MYO1C: variants seen among roughly 807,000 people sequenced by gnomAD.
MYO1C encodes the protein myosin IC, also known as unconventional myosin-Ic.
A neutral mutation model predicts 150.8 loss-of-function variants in MYO1C; 104 were observed. The observed-to-expected ratio is 0.69, with a 90% CI of 0.59 to 0.81. MYO1C has a LOEUF of 0.81. Ranked by LOEUF, MYO1C falls within the 30% of genes least tolerant of loss-of-function variation. The pLI is 0.00. For missense variants in MYO1C, 1,504 were observed against 1,435.0 expected, an observed-to-expected ratio of 1.05 and a Z score of -0.78; for synonymous variants, 663 against 579.9, an observed-to-expected ratio of 1.14 and a Z score of -2.06.
chr17:1,471,976 A>G lies in MYO1C; in HGVS notation c.1952T>C (p.Leu651Pro), dbSNP rs2074312503. 1.2e-6 allele frequency: 2 copies of G among 1,613,966 alleles called. No homozygotes were observed. Among genetic ancestry groups the G allele is most frequent in the African/African-American group, 1.3e-5 (1 of 74,936 alleles). ...LIRHQVKYLG[L>P]LENLRVRRAG... is the part of the protein sequence containing the mutation. ...TCTGCGCACGCGCAGGTTTTCCAAC[A>G]GCCCCAGGTACTTCACCTGGTGGCG... is the stretch of plus-strand genomic sequence containing the variant. Residue 651 changes from leucine to proline, a missense_variant, in exon 19 of 32, where the codon CTG becomes CCG. Leu to Pro is a moderately conservative substitution (Grantham distance 98, BLOSUM62 -3). Transcript: ENST00000648651.
chr17:1,467,038 ATG>A (rs2074187152), intron 31 of MYO1C, among the ~76,000 whole-genome samples: 4 of 152,152 alleles, frequency 2.6e-5, no homozygotes, highest in African/African-American at 4.8e-5. Flanking sequence ...GATTATAGGC[ATG>A]AGCCACCGTG....
chr17:1,468,424 G>A lies in MYO1C; in HGVS notation c.2683C>T (p.Leu895Phe). Residue 895 changes from leucine to phenylalanine, a missense_variant, in exon 26 of 32, where the codon CTC becomes TTC. Leu to Phe is a conservative substitution (Grantham distance 22). Coordinates refer to ENST00000648651, the MANE Select transcript of MYO1C (RefSeq NM_001080779.2). ...TCACCAAGCCGAGTGCTGATGAAGA[G>A]CCTGGGTACACTCTGAGGGTAATTA... is the stretch of plus-strand genomic sequence containing the variant. Reference protein sequence around the residue: ...KDNYPQSVPRLFISTRLGTDE... With the variant: ...KDNYPQSVPRFFISTRLGTDE... 1 of 1,614,088 alleles carries A rather than the reference G, an allele frequency of 6.2e-7. No homozygotes were observed. Among genetic ancestry groups the A allele is most frequent in the Non-Finnish European group, 8.5e-7 (1 of 1,179,966 alleles).
At chr17:1,483,096 G>A (rs2074570392) in intron 3 of MYO1C, 37 bp from the exon 4 acceptor site, 7 of 1,552,004 alleles carry the variant, frequency 4.5e-6, no homozygotes, top group Admixed American at 1.9e-5. Context: ...TGGGGAGGGG[G>A]GCCAAGCAGA....
intron 17 of MYO1C, among the ~76,000 whole-genome samples, chr17:1,474,106 C>T (rs2074354273): frequency 6.6e-6 from 1 of 151,848 alleles, no homozygotes; most frequent in Non-Finnish European, 1.5e-5. Flanking sequence ...CACACGACTC[C>T]ACTATAGACA....
At chr17:1,475,092 G>A in intron 14 of MYO1C, 60 bp from the exon 15 acceptor site, 2 of 1,508,470 alleles carry the variant, frequency 1.3e-6, no homozygotes, top group Admixed American at 3.9e-5. Flanking sequence ...CCCTCTGCCT[G>A]CTGAAAGGGC....
Position 1,471,147 on chromosome 17 carries a change from C to G in MYO1C, c.2136G>C (p.Arg712Ser). ...GYKPEEYKMG[R>S]TKIFIRFPKT... ...TGGGGAAGCGGATGAAGATCTTGGT[C>G]CTGGGAGAGCAGTAGTGATCAGCCC... The change falls in exon 21 of 32, where the codon AGG becomes AGC. Residue 712 changes from arginine to serine, a missense_variant and splice_region_variant. Arg to Ser is a moderately radical substitution (Grantham distance 110). Transcript: ENST00000648651. The G allele has an allele frequency of 1.9e-6, 3 of 1,614,150 alleles. No individual in the cohort carries two copies. The highest frequency in any genetic ancestry group is 2.5e-6 in the Non-Finnish European group (3 of 1,180,012).
chr17:1,479,363 G>A lies in MYO1C; in HGVS notation c.1092+68C>T. 1.2e-6 allele frequency: 1 copy of A among 806,384 alleles called. No homozygotes were observed. The highest frequency in any genetic ancestry group is 2.1e-6 in the Non-Finnish European group (1 of 479,228). The allele number at this position is 806,384 out of a possible 1,614,324, so 50.0% of individuals were successfully genotyped here. ...TGCTGAGGGAACCAGGCGAAGGGGA[G>A]TGATGGGAGTAGGGGCTGCCTTGGA... On this transcript the variant is annotated intron_variant, in intron 9 of 31. Transcript: ENST00000648651. The surrounding 1 kb of genome is among the most constrained non-coding windows in gnomAD (Gnocchi z 4.2).
chr17:1,476,503 C>G lies in MYO1C; in HGVS notation c.1574+1002G>C, dbSNP rs1226791044. Among the ~76,000 whole-genome samples, 4 of 152,090 alleles carry G rather than the reference C, an allele frequency of 2.6e-5. No individual in the cohort carries two copies. The East Asian group carries it at 7.7e-4, about 29-fold the overall frequency. ...AACAAATTTTCAATATATTATTATG[C>G]AAAAAATACTCATGGCTTTGGCATT... On this transcript the variant is annotated intron_variant, in intron 14 of 31. Transcript: ENST00000648651.
At position 1,468,458 on chromosome 17, in the gene MYO1C, G is replaced by T. The variant is rs8065685; in HGVS notation, c.2649C>A (p.Gly883=). The T allele has an allele frequency of 9.5e-3, 15,344 of 1,613,822 alleles. 1,139 individuals carry two copies. In the African/African-American group the frequency reaches 0.17, roughly 18 times the overall value. The part of the protein sequence containing the change: ...QKAVASEIFK[G]KKDNYPQSVP... The stretch of plus-strand genomic sequence containing the variant: ...CACTCTGAGGGTAATTATCCTTCTT[G>T]CCCTTGAAGATCTCACTAGCCACGG... Residue 883 remains glycine (G), a synonymous_variant, in exon 26 of 32, where the codon GGC becomes GGA. Transcript: ENST00000648651.
At position 1,484,128 on chromosome 17, in the gene MYO1C, T is replaced by G; in HGVS notation, c.231+20A>C. ...GTCTGTGACCCCAGCACCCCTGCCA[T>G]CTCCCCACAAGGGCCTCACGTAGAT... On this transcript the variant is annotated intron_variant, in intron 2 of 31. Coordinates refer to ENST00000648651, the MANE Select transcript of MYO1C (RefSeq NM_001080779.2). The G allele has an allele frequency of 6.2e-7, 1 of 1,611,468 alleles. No homozygotes were observed. Among genetic ancestry groups the G allele is most frequent in the African/African-American group, 1.3e-5 (1 of 74,874 alleles).
Position 1,471,351 on chromosome 17 carries a change from G to A in MYO1C, c.2022-15C>T. 6.2e-7 allele frequency: 1 copy of A among 1,610,502 alleles called. No homozygotes were observed. Among genetic ancestry groups the A allele is most frequent in the Non-Finnish European group, 8.5e-7 (1 of 1,177,606 alleles). On this transcript the variant is annotated splice_polypyrimidine_tract_variant and intron_variant, in intron 19 of 31. Coordinates refer to ENST00000648651, the MANE Select transcript of MYO1C (RefSeq NM_001080779.2). ...GTGACTTGTACCTGGGGACAGGAAT[G>A]CACGCGGCTCCCACCCCAGTCAGCA...
rs887542905 is a variant in MYO1C, at chr17:1,482,394, G to C, written c.627+84C>G. ...TTGACTGCTGGAATTGCAGCACCTG[G>C]AATAGTCCCTGGTACCCAGTAGGTG... On this transcript the variant is annotated intron_variant, in intron 5 of 31. Coordinates refer to ENST00000648651, the MANE Select transcript of MYO1C (RefSeq NM_001080779.2). 12 of 1,232,694 alleles carry C rather than the reference G, an allele frequency of 9.7e-6. No individual in the cohort carries two copies. In the African/African-American group the frequency reaches 1.6e-4, roughly 17 times the overall value. The allele number at this position is 1,232,694 out of a possible 1,614,324, so 76.4% of individuals were successfully genotyped here.
In MYO1C at chr17:1,468,441, G is replaced by C; in HGVS notation, c.2666C>G (p.Pro889Arg). The change falls in exon 26 of 32, where the codon CCT (proline) becomes CGT (arginine). Residue 889 changes from proline to arginine, a missense_variant. Physicochemically the swap from Pro to Arg is moderately radical, Grantham distance 103. Transcript: ENST00000648651. ...EIFKGKKDNY[P>R]QSVPRLFIST... ...GATGAAGAGCCTGGGTACACTCTGA[G>C]GGTAATTATCCTTCTTGCCCTTGAA... 3 of 1,614,072 alleles carry C rather than the reference G, an allele frequency of 1.9e-6. No individual in the cohort carries two copies. The highest frequency in any genetic ancestry group is 2.5e-6 in the Non-Finnish European group (3 of 1,179,978).
chr17:1,483,086 TG>T (rs2150961140), intron 3 of MYO1C, 27 bp from the exon 4 acceptor site: 1 of 1,567,960 alleles, frequency 6.4e-7, no homozygotes, highest in Non-Finnish European at 8.6e-7. Context: ...TCAGGGAGTT[TG>T]GGGAGGGGGG....
intron 14 of MYO1C, 114 bp from the exon 15 acceptor site, chr17:1,475,146 C>A (rs2074379300): frequency 1.0e-6 from 1 of 998,184 alleles, no homozygotes; most frequent in East Asian, 2.6e-5. Context: ...CCAGGCCGGG[C>A]ACAGTGGCTC....
chr17:1,473,108 G>C (rs948753810), intron 17 of MYO1C, among the ~76,000 whole-genome samples: 3 of 152,216 alleles, frequency 2.0e-5, no homozygotes, highest in African/African-American at 7.2e-5. Context: ...TGTGAAGTGG[G>C]AGAATGGCGT....
In MYO1C at chr17:1,478,506, T is replaced by C; in HGVS notation, c.1213-14A>G. On this transcript the variant is annotated splice_polypyrimidine_tract_variant and intron_variant, in intron 10 of 31. Transcript: ENST00000648651. This position sits in a 1 kb window ranked among gnomAD's most constrained non-coding sequence, Gnocchi z 6.3. ...GCTCTCCACGTCCTAGGGCAGTCAT[T>C]CAACCGAAGGCGTGGGCCCCCTGCG... 6.2e-7 allele frequency: 1 copy of C among 1,614,002 alleles called. No individual in the cohort carries two copies. The highest frequency in any genetic ancestry group is 1.1e-5 in the South Asian group (1 of 91,074).
intron 31 of MYO1C, among the ~76,000 whole-genome samples, chr17:1,465,956 C>T (rs938810198): frequency 4.6e-5 from 7 of 151,406 alleles, no homozygotes; most frequent in Non-Finnish European, 1.0e-4. Flanking sequence ...CGTGAGCCGC[C>T]GCACCCAGCC....
At chr17:1,489,326 C>T (rs2074704097) in intron 1 of MYO1C, among the ~76,000 whole-genome samples, 1 of 152,230 alleles carries the variant, frequency 6.6e-6, no homozygotes, top group Non-Finnish European at 1.5e-5. Context: ...ATTCTAGCTA[C>T]ACAACCATGG....
Sources: allele counts gnomAD v4.1 joint callset (sites outside exome capture counted in the v4.1 genomes callset), GRCh38; gene constraint gnomAD v4.1.1; non-coding constraint Gnocchi (gnomAD v3.1); transcripts MANE v1.5; gene names NCBI Gene and HGNC (gene_info 2026-07-23, HGNC 2026-07-21).